ZC3H7B: variants seen among roughly 807,000 people sequenced by gnomAD.
The protein encoded by ZC3H7B is zinc finger CCCH domain-containing protein 7B.
ZC3H7B carries 35 observed loss-of-function variants against 116.0 expected under a neutral mutation model. That is an observed-to-expected ratio of 0.30 (90% CI 0.23 to 0.40). The LOEUF (loss-of-function observed/expected upper bound fraction) is 0.40, where lower values mean the gene tolerates loss of function less well. Among genes scored for constraint, ZC3H7B ranks in the 10% least tolerant of loss-of-function variants. ZC3H7B has a pLI of 1.00. For synonymous variants in ZC3H7B, 502 were observed against 545.6 expected, an observed-to-expected ratio of 0.92 and a Z score of 1.11; for missense variants, 1,011 against 1,321.5, an observed-to-expected ratio of 0.77 and a Z score of 3.64.
intron 17 of ZC3H7B, among the ~76,000 whole-genome samples, chr22:41,354,421 G>A (rs2036687961): frequency 6.6e-6 from 1 of 152,322 alleles, no homozygotes; most frequent in South Asian, 2.1e-4. Flanking sequence ...CAGGCCAGGG[G>A]TCAGTCAGCA....
rs1356092182 is a variant in ZC3H7B at position 41,338,654 on chromosome 22, C to T, written c.625+299C>T. On this transcript the variant is annotated intron_variant, in intron 8 of 22. Transcript: ENST00000352645. This position sits in a 1 kb window ranked among gnomAD's most constrained non-coding sequence, Gnocchi z 4.5. ...ACCTCTTCCAAAGCCCTTTCCCCTCCTCTTCCTCATTGGCTTCCAGAAAAG... is the reference window on the plus strand; with the variant it reads ...ACCTCTTCCAAAGCCCTTTCCCCTCTTCTTCCTCATTGGCTTCCAGAAAAG... Among the ~76,000 whole-genome samples, 1 of 152,210 alleles carries T rather than the reference C, an allele frequency of 6.6e-6. No individual in the cohort carries two copies. Among genetic ancestry groups the T allele is most frequent in the Non-Finnish European group, 1.5e-5 (1 of 68,028 alleles).
chr22:41,317,523 C>T (rs1017747267), intron 1 of ZC3H7B, among the ~76,000 whole-genome samples: 1 of 152,114 alleles, frequency 6.6e-6, no homozygotes, highest in Non-Finnish European at 1.5e-5. Flanking sequence ...GGCGCAGTGG[C>T]TCATGCCTAT....
chr22:41,325,473 G>GCT, intron 2 of ZC3H7B, 91 bp from the exon 3 acceptor site: 2 of 1,518,954 alleles, frequency 1.3e-6, no homozygotes, highest in Non-Finnish European at 1.8e-6. Context: ...CAAGGTGATG[G>GCT]CTGAGGTCTG....
Position 41,338,327 on chromosome 22 carries a change from A to C in ZC3H7B, c.597A>C (p.Gly199=). Residue 199 remains glycine (G), a synonymous_variant, in exon 8 of 23, where the codon GGA becomes GGC. Coordinates refer to ENST00000352645, the MANE Select transcript of ZC3H7B (RefSeq NM_017590.6). The surrounding 1 kb of genome is among the most constrained non-coding windows in gnomAD (Gnocchi z 4.5). ...TCTCCCCACAGGGAACTTCTAATGG[A>C]TTGGGGTCCATAGATGACATCGAAA... The part of the protein sequence containing the change: ...AGVADQGTSN[G]LGSIDDIETD... 1 of 1,613,762 alleles carries C rather than the reference A, an allele frequency of 6.2e-7. No homozygotes were observed. The highest frequency in any genetic ancestry group is 8.5e-7 in the Non-Finnish European group (1 of 1,179,928).
At chr22:41,353,868 C>T (rs753190034) in intron 17 of ZC3H7B, among the ~76,000 whole-genome samples, 23 of 152,208 alleles carry the variant, frequency 1.5e-4, no homozygotes, top group Admixed American at 3.9e-4. Flanking sequence ...TTTTCCCCTC[C>T]CCATCTGTTT....
Position 41,346,097 on chromosome 22 carries a change from C to G in ZC3H7B, c.1554C>G (p.Gly518=), listed in dbSNP as rs1362994888. Residue 518 remains glycine (G), a synonymous_variant, in exon 14 of 23, where the codon GGC becomes GGG. Transcript: ENST00000352645. This position sits in a 1 kb window ranked among gnomAD's most constrained non-coding sequence, Gnocchi z 5.3. ...ACGTGTGGACCGAGGAGCGGAAGGG[C>G]ACCCTCAACCGCGACCTGCTCTTCG... is the stretch of plus-strand genomic sequence containing the variant. ...EIDVWTEERK[G]TLNRDLLFDP... is the part of the protein sequence containing the mutation. The G allele has an allele frequency of 6.2e-7, 1 of 1,613,726 alleles. No homozygotes were observed. Among genetic ancestry groups the G allele is most frequent in the Non-Finnish European group, 8.5e-7 (1 of 1,180,018 alleles).
chr22:41,324,830 G>A (rs2036297654), intron 2 of ZC3H7B, among the ~76,000 whole-genome samples: 1 of 152,144 alleles, frequency 6.6e-6, no homozygotes, highest in Admixed American at 6.5e-5. Flanking sequence ...GATGGGGCGT[G>A]GTCCTTCCCA....
intron 5 of ZC3H7B, among the ~76,000 whole-genome samples, chr22:41,329,031 CAAAAAAAAAAAA>C (rs905189346): frequency 1.2e-4 from 5 of 40,482 alleles, no homozygotes; most frequent in African/African-American, 2.8e-4. Context: ...TACTAAAATA[CAAAAAAAAAAAA>C]AAAAAAAAAA....
intron 12 of ZC3H7B, among the ~76,000 whole-genome samples, chr22:41,342,890 A>G (rs571957449): frequency 6.6e-6 from 1 of 152,312 alleles, no homozygotes; most frequent in South Asian, 2.1e-4. Flanking sequence ...AAGGATGGGT[A>G]GGCCGGATGC....
rs1306779082 is a variant in ZC3H7B at position 41,325,767 on chromosome 22, A to G, written c.134A>G (p.Asp45Gly). ...LVQNLFAEGN[D>G]LFREKDYKQA... ...CAGAATCTGTTTGCTGAGGGCAATG[A>G]TCTGTTCCGGGAGAAGGACTATAAG... The change falls in exon 4 of 23, where the codon GAT becomes GGT. Residue 45 changes from aspartate (D) to glycine (G), a missense_variant. This residue lies in a region of ZC3H7B where 322 missense variants were observed against 443.9 expected (regional missense o/e 0.73). Transcript: ENST00000352645. 1 of 1,613,986 alleles carries G rather than the reference A, an allele frequency of 6.2e-7. No homozygotes were observed. The highest frequency in any genetic ancestry group is 1.7e-5 in the Admixed American group (1 of 60,000).
intron 1 of ZC3H7B, among the ~76,000 whole-genome samples, chr22:41,310,038 T>C (rs957987200): frequency 6.6e-6 from 1 of 151,910 alleles, no homozygotes; most frequent in Non-Finnish European, 1.5e-5. Context: ...ACCCCGTCTC[T>C]ACTAAAAATA....
chr22:41,310,413 G>T (rs1433341000), intron 1 of ZC3H7B, among the ~76,000 whole-genome samples: 1 of 152,156 alleles, frequency 6.6e-6, no homozygotes. Context: ...CTGAAAGCCA[G>T]TGTGGGACAG....
At chr22:41,313,893 C>T (rs2036148720) in intron 1 of ZC3H7B, among the ~76,000 whole-genome samples, 1 of 151,684 alleles carries the variant, frequency 6.6e-6, no homozygotes, top group African/African-American at 2.4e-5. Context: ...ACTACAGGCA[C>T]CCGCCATCAT....
chr22:41,328,229 TACTC>T (rs773133846), intron 5 of ZC3H7B, among the ~76,000 whole-genome samples: 5 of 152,152 alleles, frequency 3.3e-5, no homozygotes, highest in Non-Finnish European at 7.3e-5. Flanking sequence ...CACTGGTACT[TACTC>T]ATGAGGAGGA....
chr22:41,349,195 C>A lies in ZC3H7B; in HGVS notation c.1842C>A (p.Phe614Leu). Reference protein sequence around the residue: ...KIRQFQEHFQFDVCRHEVRYG... With the variant: ...KIRQFQEHFQLDVCRHEVRYG... ...GCCAGTTCCAGGAGCACTTCCAGTT[C>A]GACGTGTGCCGCCATGAGGTGCGCT... is the stretch of plus-strand genomic sequence containing the variant. The change falls in exon 16 of 23, where the codon TTC (phenylalanine) becomes TTA (leucine). Residue 614 changes from phenylalanine to leucine, a missense_variant. This residue lies in a region of ZC3H7B where 406 missense variants were observed against 590.2 expected (regional missense o/e 0.69). Coordinates refer to ENST00000352645, the MANE Select transcript of ZC3H7B (RefSeq NM_017590.6). The surrounding 1 kb of genome is among the most constrained non-coding windows in gnomAD (Gnocchi z 4.9). 5.0e-6 allele frequency: 8 copies of A among 1,613,802 alleles called. No individual in the cohort carries two copies. Among genetic ancestry groups the A allele is most frequent in the Non-Finnish European group, 6.8e-6 (8 of 1,180,006 alleles).
At chr22:41,341,830 G>A (rs543859587) in intron 11 of ZC3H7B, among the ~76,000 whole-genome samples, 21 of 152,252 alleles carry the variant, frequency 1.4e-4, no homozygotes, top group East Asian at 5.8e-4. Flanking sequence ...TTGGGAGGCC[G>A]AGGTGTGCAG....
At position 41,344,375 on chromosome 22, in the gene ZC3H7B, G is replaced by A. The variant is rs984283057; in HGVS notation, c.1459+799G>A. On this transcript the variant is annotated intron_variant, in intron 13 of 22. Coordinates refer to ENST00000352645, the MANE Select transcript of ZC3H7B (RefSeq NM_017590.6). ...CAAAGGCCTCCATCAGCCACTGCCC[G>A]TGGCCAGTGGGATGAAGTCCACATT... 4.6e-5 allele frequency among the ~76,000 whole-genome samples: 7 copies of A among 152,316 alleles called. 1 individual carries two copies. The highest frequency in any genetic ancestry group is 4.1e-4 in the South Asian group (2 of 4,822).
intron 7 of ZC3H7B, chr22:41,334,749 A>G (rs1430976678): frequency 6.6e-6 from 1 of 152,262 alleles, no homozygotes; most frequent in Admixed American, 6.5e-5. Context: ...GACACAAGTA[A>G]ATGCAGGCTG....
At chr22:41,348,710 T>G (rs2036619972) in intron 15 of ZC3H7B, among the ~76,000 whole-genome samples, 1 of 152,188 alleles carries the variant, frequency 6.6e-6, no homozygotes, top group Non-Finnish European at 1.5e-5. Flanking sequence ...CGTCCAAGCC[T>G]GGGTTTCCTC....
Sources: allele counts gnomAD v4.1 joint callset (sites outside exome capture counted in the v4.1 genomes callset), GRCh38; gene constraint gnomAD v4.1.1; regional missense constraint gnomAD v4.1.1; non-coding constraint Gnocchi (gnomAD v3.1); transcripts MANE v1.5; gene names NCBI Gene and HGNC (gene_info 2026-07-23, HGNC 2026-07-21).